Variants in ABTB3 observed in about 807,000 individuals in gnomAD.
ABTB3 encodes ankyrin repeat and BTB domain containing 3.
the ABTB3 span, chr12:107,651,604 A>G: frequency 1.9e-6 from 2 of 1,050,468 alleles, no homozygotes; most frequent in East Asian, 2.4e-5. Context: ...TCTCACCACT[A>G]TAGTTCCTTA....
At chr12:107,509,020 G>T in the ABTB3 span, among the ~76,000 whole-genome samples, 2 of 152,174 alleles carry the variant, frequency 1.3e-5, no homozygotes, top group African/African-American at 4.8e-5. Context: ...GTTCTGAAAT[G>T]GAGCCCTAGA....
chr12:107,435,332 G>A, the ABTB3 span, among the ~76,000 whole-genome samples: 2 of 152,170 alleles, frequency 1.3e-5, no homozygotes, highest in Non-Finnish European at 1.5e-5. Context: ...CATTCAGAGG[G>A]TTAGGGAAGC....
the ABTB3 span, among the ~76,000 whole-genome samples, chr12:107,424,058 G>A: frequency 6.6e-6 from 1 of 152,292 alleles, no homozygotes; most frequent in South Asian, 2.1e-4. Context: ...GCTGTGCCAC[G>A]TGACGTGGGA....
the ABTB3 span, among the ~76,000 whole-genome samples, chr12:107,351,898 T>A: frequency 6.6e-6 from 1 of 152,178 alleles, no homozygotes; most frequent in South Asian, 2.1e-4. Flanking sequence ...TTTTCCTCAG[T>A]AAAATGATGA....
At chr12:107,653,960 G>GC in the ABTB3 span, among the ~76,000 whole-genome samples, 1 of 151,968 alleles carries the variant, frequency 6.6e-6, no homozygotes, top group South Asian at 2.1e-4. Flanking sequence ...CCTCCCCCAG[G>GC]CCCGGGTATT....
At chr12:107,636,388 C>T in the ABTB3 span, among the ~76,000 whole-genome samples, 1 of 152,100 alleles carries the variant, frequency 6.6e-6, no homozygotes, top group African/African-American at 2.4e-5. Flanking sequence ...ATTCTTTTTC[C>T]CTAGATAGGT....
the ABTB3 span, among the ~76,000 whole-genome samples, chr12:107,447,650 C>G: frequency 6.6e-6 from 1 of 152,156 alleles, no homozygotes; most frequent in South Asian, 2.1e-4. Context: ...TGCAGTGCTT[C>G]CCAGCGCTGT....
chr12:107,615,600 G>A, the ABTB3 span, among the ~76,000 whole-genome samples: 1 of 152,228 alleles, frequency 6.6e-6, no homozygotes, highest in Non-Finnish European at 1.5e-5. Context: ...GACATCAAGG[G>A]AGTGTTTCCA....
At chr12:107,605,271 A>C in the ABTB3 span, among the ~76,000 whole-genome samples, 1 of 152,214 alleles carries the variant, frequency 6.6e-6, no homozygotes, top group African/African-American at 2.4e-5. Context: ...AACAAGATAG[A>C]TGTGGTCCTG....
the ABTB3 span, among the ~76,000 whole-genome samples, chr12:107,360,939 T>C: frequency 7.3e-6 from 1 of 136,688 alleles, no homozygotes; most frequent in Non-Finnish European, 1.6e-5. Flanking sequence ...AATTTTTTTT[T>C]TTTTTTTTTT....
chr12:107,320,103 T>C, the ABTB3 span: 2 of 1,403,502 alleles, frequency 1.4e-6, no homozygotes, highest in Admixed American at 4.5e-5. Context: ...TGCCACTCCC[T>C]CTCACCTAAC....
At chr12:107,322,604 A>G in the ABTB3 span, among the ~76,000 whole-genome samples, 1 of 150,032 alleles carries the variant, frequency 6.7e-6, no homozygotes, top group African/African-American at 2.5e-5. Flanking sequence ...TGTTTATCGA[A>G]ACTTATTACA....
At chr12:107,347,925 C>T in the ABTB3 span, among the ~76,000 whole-genome samples, 2 of 152,014 alleles carry the variant, frequency 1.3e-5, no homozygotes, top group Admixed American at 6.5e-5. Flanking sequence ...GAAATACCAG[C>T]AAGCTGAAGG....
chr12:107,490,795 T>C, the ABTB3 span, among the ~76,000 whole-genome samples: 3 of 152,042 alleles, frequency 2.0e-5, no homozygotes, highest in Non-Finnish European at 2.9e-5. Context: ...GAGGATCAGA[T>C]GAGAAAGGGT....
the ABTB3 span, among the ~76,000 whole-genome samples, chr12:107,491,589 G>A: frequency 2.0e-5 from 3 of 152,110 alleles, no homozygotes; most frequent in East Asian, 1.9e-4. Context: ...TTGGGGGTCC[G>A]AGATAGGCAG....
the ABTB3 span, among the ~76,000 whole-genome samples, chr12:107,472,775 G>C: frequency 6.6e-6 from 1 of 152,210 alleles, no homozygotes; most frequent in Non-Finnish European, 1.5e-5. Context: ...GGTCACTGGA[G>C]GAGCTCACAG....
chr12:107,397,889 G>A, the ABTB3 span, among the ~76,000 whole-genome samples: 2 of 152,082 alleles, frequency 1.3e-5, no homozygotes, highest in African/African-American at 4.8e-5. Flanking sequence ...TCTTGTAACG[G>A]CACCTCCGTT....
chr12:107,633,476 T>C, the ABTB3 span, among the ~76,000 whole-genome samples: 1 of 152,222 alleles, frequency 6.6e-6, no homozygotes, highest in African/African-American at 2.4e-5. Context: ...AACGTGTTCA[T>C]GGTCCCAGTC....
the ABTB3 span, among the ~76,000 whole-genome samples, chr12:107,407,444 G>T: frequency 6.6e-6 from 1 of 152,202 alleles, no homozygotes; most frequent in South Asian, 2.1e-4. Flanking sequence ...AGAAGGCTTG[G>T]CCCCTTGCTG....
Sources: allele counts gnomAD v4.1 joint callset (sites outside exome capture counted in the v4.1 genomes callset), GRCh38; gene constraint gnomAD v4.1.1; transcripts MANE v1.5; gene names NCBI Gene and HGNC (gene_info 2026-07-23, HGNC 2026-07-21).